Variants in RBL1 observed in about 807,000 individuals in gnomAD.
RBL1 encodes RB transcriptional corepressor like 1.
A neutral mutation model predicts 123.0 loss-of-function variants in RBL1; 82 were observed. The ratio of observed to expected loss-of-function variants is 0.67; its 90% confidence interval spans 0.56 to 0.80. RBL1 has a LOEUF of 0.80. RBL1 is among the 30% of genes least tolerant of loss of function. The pLI, the probability that RBL1 is intolerant of heterozygous loss-of-function variation, is 0.00. For missense variants in RBL1, 1,171 were observed against 1,299.6 expected, an observed-to-expected ratio of 0.90 and a Z score of 1.52; for synonymous variants, 405 against 441.3, an observed-to-expected ratio of 0.92 and a Z score of 1.03.
At chr20:37,053,877 TAAA>T (rs2064960584) in intron 11 of RBL1, among the ~76,000 whole-genome samples, 1 of 152,134 alleles carries the variant, frequency 6.6e-6, no homozygotes, top group Non-Finnish European at 1.5e-5. Flanking sequence ...TGAAAAGAAC[TAAA>T]TTCATACAGA....
At chr20:37,015,618 G>A (rs1312272023) in intron 19 of RBL1, among the ~76,000 whole-genome samples, 2 of 152,254 alleles carry the variant, frequency 1.3e-5, no homozygotes, top group East Asian at 3.9e-4. Flanking sequence ...TTTTAGTGGA[G>A]ACGAGGTTTC....
rs1328157032 is a variant in RBL1, at chr20:37,006,456, G to A, written c.2871+955C>T. Among the ~76,000 whole-genome samples the A allele has an allele frequency of 9.2e-5, 14 of 151,494 alleles. 1 individual carries two copies. Among genetic ancestry groups the A allele is most frequent in the South Asian group, 2.1e-4 (1 of 4,764 alleles). The stretch of plus-strand genomic sequence containing the variant: ...GATCCGCCCGCCTAGGCCTCCCAAA[G>A]TGCTGAGATTACAGGCATGAGCCAC... On this transcript the variant is annotated intron_variant, in intron 20 of 21. Coordinates refer to ENST00000373664, the MANE Select transcript of RBL1 (RefSeq NM_002895.5).
chr20:37,044,217 G>A lies in RBL1; in HGVS notation c.1639C>T (p.Leu547Phe), dbSNP rs2064779921. ...AGGTGTTTCACCATGTCCCTTGAGA[G>A]CCCCTCTTCTGAGCGGATCACCACC... The part of the protein sequence containing the change: ...IEVVIRSEEG[L>F]SRDMVKHLNS... Residue 547 changes from leucine to phenylalanine, a missense_variant, in exon 13 of 22, where the codon CTC becomes TTC. Leu to Phe is a conservative substitution (Grantham distance 22, BLOSUM62 0). Coordinates refer to ENST00000373664, the MANE Select transcript of RBL1 (RefSeq NM_002895.5). The A allele has an allele frequency of 1.2e-6, 2 of 1,613,650 alleles. No homozygotes were observed.
intron 2 of RBL1, among the ~76,000 whole-genome samples, chr20:37,078,597 C>T (rs2065400227): frequency 6.6e-6 from 1 of 152,108 alleles, no homozygotes; most frequent in Admixed American, 6.5e-5. Context: ...AGAGAAAACA[C>T]GTCTGCTAAG....
At chr20:37,040,102 A>G (rs74889801) in intron 14 of RBL1, 51 bp downstream of exon 14, 38 of 1,598,572 alleles carry the variant, frequency 2.4e-5, no homozygotes, top group Non-Finnish European at 3.1e-5. Flanking sequence ...CCTGAAAAAA[A>G]GCCAAATGCC....
intron 14 of RBL1, among the ~76,000 whole-genome samples, chr20:37,037,224 G>C (rs961911833): frequency 1.3e-5 from 2 of 152,312 alleles, no homozygotes; most frequent in Admixed American, 6.5e-5. Flanking sequence ...TTCAAGGCAA[G>C]ACTCGAGTTG....
At chr20:37,062,841 G>A (rs1209083096) in intron 7 of RBL1, among the ~76,000 whole-genome samples, 1 of 151,844 alleles carries the variant, frequency 6.6e-6, no homozygotes, top group African/African-American at 2.4e-5. Context: ...TGTAGTCCCA[G>A]CTACTTGGGA....
At chr20:37,023,261 A>G (rs1391465790) in intron 16 of RBL1, among the ~76,000 whole-genome samples, 1 of 152,022 alleles carries the variant, frequency 6.6e-6, no homozygotes, top group Non-Finnish European at 1.5e-5. Context: ...AACTGGGCTT[A>G]CAGGTGCATG....
chr20:37,016,724 G>A (rs1449072974), intron 19 of RBL1, among the ~76,000 whole-genome samples: 2 of 151,700 alleles, frequency 1.3e-5, no homozygotes, highest in Non-Finnish European at 2.9e-5. Flanking sequence ...CCCAGGAGTT[G>A]GAGACCAGCC....
intron 15 of RBL1, 109 bp downstream of exon 15, chr20:37,035,133 G>T: frequency 8.9e-7 from 1 of 1,119,902 alleles, no homozygotes. Context: ...AAAAAGTATA[G>T]GTTCAAGAAA....
intron 21 of RBL1, among the ~76,000 whole-genome samples, chr20:37,002,884 G>C (rs2064011540): frequency 6.6e-6 from 1 of 151,244 alleles, no homozygotes; most frequent in Non-Finnish European, 1.5e-5. Context: ...CACCATGCCT[G>C]GCTAATTTTT....
chr20:37,067,410 T>C, intron 3 of RBL1, 113 bp from the exon 4 acceptor site: 1 of 830,738 alleles, frequency 1.2e-6, no homozygotes, highest in Non-Finnish European at 1.8e-6. Flanking sequence ...ATTCCATTCA[T>C]GAAGAAAAGT....
chr20:37,040,345 TA>T (rs2064702250), intron 13 of RBL1, 60 bp from the exon 14 acceptor site: 2 of 1,571,424 alleles, frequency 1.3e-6, no homozygotes, highest in East Asian at 4.6e-5. Context: ...TAAAACTTAT[TA>T]AAAATGTTTT....
At chr20:37,019,870 T>G (rs1366783741) in intron 18 of RBL1, among the ~76,000 whole-genome samples, 2 of 152,152 alleles carry the variant, frequency 1.3e-5, no homozygotes. Flanking sequence ...CAGTCCACTC[T>G]GCTACCATGA....
At chr20:37,080,513 C>G (rs981326885) in intron 2 of RBL1, among the ~76,000 whole-genome samples, 2 of 150,228 alleles carry the variant, frequency 1.3e-5, no homozygotes, top group Middle Eastern at 3.5e-3. Flanking sequence ...GGCTGGAGTG[C>G]AGTGGTGCGA....
intron 12 of RBL1, among the ~76,000 whole-genome samples, chr20:37,046,234 T>C (rs2064817251): frequency 6.6e-6 from 1 of 152,192 alleles, no homozygotes; most frequent in African/African-American, 2.4e-5. Context: ...AGAAAGCGTT[T>C]TTTGTTCTTC....
Position 36,997,994 on chromosome 20 carries a change from A to T in RBL1, c.*765T>A, listed in dbSNP as rs1465969403. The T allele has an allele frequency of 6.6e-6, 1 of 152,110 alleles. No individual in the cohort carries two copies. The highest frequency in any genetic ancestry group is 1.9e-4 in the East Asian group (1 of 5,196). 9.4% of individuals were successfully genotyped at this position (152,110 alleles called of 1,614,324 possible). ...ATTACCACAGTGGGCCAGAGACAGG[A>T]TGGTATATAACCCTCTGGCCAGGTA... On this transcript the variant is annotated 3_prime_UTR_variant, in exon 22 of 22. Coordinates refer to ENST00000373664, the MANE Select transcript of RBL1 (RefSeq NM_002895.5).
chr20:37,093,918 G>A (rs934903250), intron 1 of RBL1, among the ~76,000 whole-genome samples: 1 of 152,118 alleles, frequency 6.6e-6, no homozygotes, highest in African/African-American at 2.4e-5. Context: ...TGGGATTACA[G>A]GTGTGAGCCA....
chr20:37,048,929 C>T (rs928521945), intron 11 of RBL1, among the ~76,000 whole-genome samples: 2 of 146,554 alleles, frequency 1.4e-5, no homozygotes, highest in Non-Finnish European at 3.0e-5. Context: ...AAGCCAGGTG[C>T]GGTGGCTCAA....
Sources: allele counts gnomAD v4.1 joint callset (sites outside exome capture counted in the v4.1 genomes callset), GRCh38; gene constraint gnomAD v4.1.1; transcripts MANE v1.5; gene names NCBI Gene and HGNC (gene_info 2026-07-23, HGNC 2026-07-21).